The following GLYR1 variants were observed in gnomAD, a reference collection of about 807,000 sequenced individuals.
GLYR1 encodes the protein cytokine-like nuclear factor N-PAC.
GLYR1 carries 21 observed loss-of-function variants against 72.7 expected under a neutral mutation model. That is an observed-to-expected ratio of 0.29 (90% CI 0.20 to 0.42). GLYR1 has a LOEUF of 0.42. Among genes scored for constraint, GLYR1 ranks in the 10% least tolerant of loss-of-function variants. The pLI is 1.00. For missense variants in GLYR1, 594 were observed against 712.1 expected, an observed-to-expected ratio of 0.83 and a Z score of 1.89; for synonymous variants, 392 against 270.2, an observed-to-expected ratio of 1.45 and a Z score of -4.42.
chr16:4,820,832 A>G (rs1567706651), intron 9 of GLYR1, among the ~76,000 whole-genome samples: 1 of 152,228 alleles, frequency 6.6e-6, no homozygotes, highest in Non-Finnish European at 1.5e-5. Flanking sequence ...GTCTGGGAGC[A>G]TGTCCAGGAT....
intron 15 of GLYR1, among the ~76,000 whole-genome samples, chr16:4,808,600 A>G (rs998390310): frequency 5.3e-5 from 8 of 150,974 alleles, no homozygotes; most frequent in Admixed American, 4.0e-4. Flanking sequence ...CTCGGTCTCT[A>G]AAATAAAATA....
intron 3 of GLYR1, among the ~76,000 whole-genome samples, chr16:4,838,529 C>T (rs1472660868): frequency 6.6e-6 from 1 of 152,060 alleles, no homozygotes; most frequent in African/African-American, 2.4e-5. Context: ...TTCTAAGCAC[C>T]TGTAATTTAA....
chr16:4,844,140 C>T (rs1323353631), intron 3 of GLYR1, among the ~76,000 whole-genome samples: 1 of 149,518 alleles, frequency 6.7e-6, no homozygotes, highest in Non-Finnish European at 1.5e-5. Flanking sequence ...AAAAATCAAA[C>T]CATCTAGCTA....
intron 3 of GLYR1, among the ~76,000 whole-genome samples, chr16:4,836,814 A>G (rs76273048): frequency 2.2e-4 from 28 of 130,156 alleles, no homozygotes; most frequent in South Asian, 4.9e-4. Context: ...ATTATATTGG[A>G]AAAAAAAAAA....
intron 3 of GLYR1, chr16:4,843,602 T>A (rs777048629): frequency 1.6e-6 from 2 of 1,289,152 alleles, no homozygotes; most frequent in Non-Finnish European, 2.0e-6. Context: ...GCTGGGTCTA[T>A]CTGTAAACAT....
chr16:4,831,297 G>C (rs1218220111), intron 5 of GLYR1, among the ~76,000 whole-genome samples: 1 of 152,084 alleles, frequency 6.6e-6, no homozygotes, highest in East Asian at 1.9e-4. Flanking sequence ...CTCTGCACTC[G>C]GTGACTACTG....
chr16:4,845,168 G>A lies in GLYR1; in HGVS notation c.76-15C>T, dbSNP rs769566380. 1.8e-5 allele frequency: 29 copies of A among 1,605,600 alleles called. No homozygotes were observed. The highest frequency in any genetic ancestry group is 1.3e-4 in the South Asian group (12 of 90,854). On this transcript the variant is annotated splice_polypyrimidine_tract_variant and intron_variant, in intron 2 of 15. Coordinates refer to ENST00000321919, the MANE Select transcript of GLYR1 (RefSeq NM_032569.4). The stretch of plus-strand genomic sequence containing the variant: ...GGATTAACAATCTGGAGGATAAAAG[G>A]GGGGAAAAAGGTTGGCTGGCAACAC...
At chr16:4,817,954 T>C in intron 9 of GLYR1, 1 of 444,646 alleles carries the variant, frequency 2.2e-6, no homozygotes, top group South Asian at 2.4e-5. Flanking sequence ...AAAAGTATGA[T>C]GTGTATGGTT....
At position 4,822,844 on chromosome 16, in the gene GLYR1, C is replaced by T. The variant is rs367822667; in HGVS notation, c.681+31G>A. The T allele has an allele frequency of 5.0e-6, 8 of 1,604,114 alleles. No individual in the cohort carries two copies. In the South Asian group the frequency reaches 6.6e-5, roughly 13 times the overall value. ...GGAGCACTCCTTGGCCAGCCCCTGA[C>T]CAAGGGCCAAGAGCCTCAAAGGCAA... is the stretch of plus-strand genomic sequence containing the variant. On this transcript the variant is annotated intron_variant, in intron 7 of 15. Coordinates refer to ENST00000321919, the MANE Select transcript of GLYR1 (RefSeq NM_032569.4).
At chr16:4,817,075 C>A (rs1334022900) in intron 10 of GLYR1, among the ~76,000 whole-genome samples, 1 of 151,628 alleles carries the variant, frequency 6.6e-6, no homozygotes, top group Non-Finnish European at 1.5e-5. Context: ...TCCTGAGTAA[C>A]TGAGACTACA....
At chr16:4,822,043 A>C (rs1194020886) in intron 7 of GLYR1, among the ~76,000 whole-genome samples, 1 of 152,180 alleles carries the variant, frequency 6.6e-6, no homozygotes, top group Non-Finnish European at 1.5e-5. Context: ...TTCTGCCCTA[A>C]ACTCTAAAGG....
chr16:4,822,917 T>C lies in GLYR1; in HGVS notation c.639A>G (p.Ala213=), dbSNP rs1418788955. The change falls in exon 7 of 16, where the codon GCA becomes GCG. Residue 213 remains alanine, a synonymous_variant. Coordinates refer to ENST00000321919, the MANE Select transcript of GLYR1 (RefSeq NM_032569.4). Reference sequence around the variant, plus strand: ...GCAGGAAATGATGGAAATGAGGATCTGCATCTTTAACAGGCTGAAACCAGA... The same window carrying C: ...GCAGGAAATGATGGAAATGAGGATCCGCATCTTTAACAGGCTGAAACCAGA... The part of the protein sequence containing the change: ...QPTASEPVKD[A]DPHFHHFLLS... 6.2e-7 allele frequency: 1 copy of C among 1,614,188 alleles called. No homozygotes were observed. Among genetic ancestry groups the C allele is most frequent in the South Asian group, 1.1e-5 (1 of 91,090 alleles).
At chr16:4,829,305 C>T (rs2084632599) in intron 5 of GLYR1, among the ~76,000 whole-genome samples, 1 of 151,898 alleles carries the variant, frequency 6.6e-6, no homozygotes, top group African/African-American at 2.4e-5. Context: ...CCTGTATTTC[C>T]AGCTTCTCTC....
At chr16:4,845,671 A>C (rs2085968168) in intron 2 of GLYR1, among the ~76,000 whole-genome samples, 1 of 152,234 alleles carries the variant, frequency 6.6e-6, no homozygotes, top group Admixed American at 6.5e-5. Context: ...CCGGGCTCCA[A>C]GCAAGAATAT....
Position 4,811,874 on chromosome 16 carries a change from T to C in GLYR1, c.1283-72A>G, listed in dbSNP as rs2083340523. ...CAGGGCTTCTCTGTCCACCCTCACC[T>C]CTGCTCAGACCCACCTCTCTCCAGG... On this transcript the variant is annotated intron_variant, in intron 13 of 15. Transcript: ENST00000321919. The C allele has an allele frequency of 1.2e-5, 18 of 1,526,588 alleles. 2 individuals are homozygous for C. The South Asian group carries it at 2.1e-4, about 18-fold the overall frequency. The allele number at this position is 1,526,588 out of a possible 1,614,324, so 94.6% of individuals were successfully genotyped here. A position where few individuals can be genotyped will look rare whatever the true frequency, so the allele number is the denominator to read the frequency against.
Position 4,809,032 on chromosome 16 carries a change from A to ATTT in GLYR1, c.1587+2137_1587+2138insAAA, listed in dbSNP as rs144878816. ...TTGAAAAATGCTAATAGACATGCTA[A>ATTT]TTAAAAGGCAGATACTGTCAAAATG... On this transcript the variant is annotated intron_variant, in intron 15 of 15. Transcript: ENST00000321919. Among the ~76,000 whole-genome samples, 1,187 of 152,262 alleles carry ATTT rather than the reference A, an allele frequency of 7.8e-3. 11 individuals are homozygous for ATTT. The highest frequency in any genetic ancestry group is 0.027 in the African/African-American group (1,135 of 41,548).
intron 3 of GLYR1, 117 bp downstream of exon 3, chr16:4,844,957 G>GCC: frequency 1.4e-6 from 1 of 724,366 alleles, no homozygotes; most frequent in South Asian, 1.7e-5. Context: ...TGAGATGCCA[G>GCC]TATTACACAT....
At chr16:4,826,054 T>C (rs1056417685) in intron 5 of GLYR1, among the ~76,000 whole-genome samples, 8 of 151,498 alleles carry the variant, frequency 5.3e-5, no homozygotes, top group Admixed American at 1.3e-4. Flanking sequence ...AGACACAACT[T>C]ATTTATTTAT....
chr16:4,832,460 A>G (rs1658424771), intron 4 of GLYR1: 5 of 598,490 alleles, frequency 8.4e-6, no homozygotes, highest in Non-Finnish European at 1.2e-5. Context: ...TCTAGGCAGT[A>G]TATGTATTTC....
Sources: allele counts gnomAD v4.1 joint callset (sites outside exome capture counted in the v4.1 genomes callset), GRCh38; gene constraint gnomAD v4.1.1; transcripts MANE v1.5; gene names NCBI Gene and HGNC (gene_info 2026-07-23, HGNC 2026-07-21).